Variants in ATXN7L1 observed in about 807,000 individuals in gnomAD.
ATXN7L1 encodes the protein ataxin-7-like protein 1.
In ATXN7L1, 15 loss-of-function variants were observed where a neutral mutation model predicts 70.8. That is an observed-to-expected ratio of 0.21 (90% CI 0.14 to 0.33). The LOEUF (loss-of-function observed/expected upper bound fraction) is 0.33. Ranked by LOEUF, ATXN7L1 falls within the 10% of genes least tolerant of loss-of-function variation. ATXN7L1 has a pLI of 1.00. For synonymous variants in ATXN7L1, 440 were observed against 445.1 expected, an observed-to-expected ratio of 0.99 and a Z score of 0.14; for missense variants, 975 against 1,097.1, an observed-to-expected ratio of 0.89 and a Z score of 1.57.
At chr7:105,730,456 G>C (rs1796403477) in intron 3 of ATXN7L1, among the ~76,000 whole-genome samples, 2 of 152,180 alleles carry the variant, frequency 1.3e-5, no homozygotes, top group South Asian at 4.1e-4. Context: ...CTAAGGGCCA[G>C]GCGTGGTGGC....
intron 3 of ATXN7L1, among the ~76,000 whole-genome samples, chr7:105,727,775 T>TATATATATAC (rs1554442569): frequency 1.7e-5 from 2 of 115,458 alleles, no homozygotes; most frequent in African/African-American, 7.2e-5. Flanking sequence ...TATATATATA[T>TATATATATAC]ATACACACAC....
At chr7:105,874,884 C>A (rs1469308056) in intron 2 of ATXN7L1, among the ~76,000 whole-genome samples, 1 of 152,148 alleles carries the variant, frequency 6.6e-6, no homozygotes, top group South Asian at 2.1e-4. Flanking sequence ...CACCTATGGC[C>A]TACTTATGTC....
chr7:105,625,641 A>G (rs888436570), intron 7 of ATXN7L1, among the ~76,000 whole-genome samples: 1 of 152,222 alleles, frequency 6.6e-6, no homozygotes, highest in African/African-American at 2.4e-5. Context: ...CAATGAACCA[A>G]TGAATGAATT....
At chr7:105,859,467 T>C (rs1365539381) in intron 2 of ATXN7L1, among the ~76,000 whole-genome samples, 1 of 152,120 alleles carries the variant, frequency 6.6e-6, no homozygotes, top group Non-Finnish European at 1.5e-5. Context: ...AACAGGCCCA[T>C]ACTCAGTGGT....
At chr7:105,690,564 G>A (rs187234494) in intron 3 of ATXN7L1, among the ~76,000 whole-genome samples, 7 of 152,246 alleles carry the variant, frequency 4.6e-5, no homozygotes, top group Admixed American at 3.3e-4. Flanking sequence ...GATGTTTGTC[G>A]TCTTCTCCTT....
intron 3 of ATXN7L1, among the ~76,000 whole-genome samples, chr7:105,739,039 A>G (rs1330271608): frequency 6.6e-6 from 1 of 152,172 alleles, no homozygotes; most frequent in Non-Finnish European, 1.5e-5. Flanking sequence ...GATACAGTGG[A>G]AAATCACTGC....
At chr7:105,826,866 A>C (rs1452385639) in intron 2 of ATXN7L1, among the ~76,000 whole-genome samples, 2 of 152,226 alleles carry the variant, frequency 1.3e-5, no homozygotes, top group Non-Finnish European at 2.9e-5. Context: ...AAAAATGATG[A>C]GAAAGATAGT....
At chr7:105,650,931 G>A (rs1283239070) in intron 4 of ATXN7L1, among the ~76,000 whole-genome samples, 1 of 152,232 alleles carries the variant, frequency 6.6e-6, no homozygotes, top group East Asian at 1.9e-4. Flanking sequence ...AGAATGTGGA[G>A]TGTTGGAAGA....
intron 3 of ATXN7L1, among the ~76,000 whole-genome samples, chr7:105,776,503 C>CA (rs5886370): frequency 5.5e-5 from 8 of 144,256 alleles, no homozygotes; most frequent in Admixed American, 4.2e-4. Flanking sequence ...ACCCCCCCCC[C>CA]AAAACAAACA....
chr7:105,796,478 G>T (rs557290358), intron 2 of ATXN7L1, among the ~76,000 whole-genome samples: 13 of 152,316 alleles, frequency 8.5e-5, no homozygotes, highest in Admixed American at 2.0e-4. Context: ...AGAGGACCAG[G>T]TGCTATTGAT....
chr7:105,829,062 T>C (rs1051180633), intron 2 of ATXN7L1, among the ~76,000 whole-genome samples: 1 of 152,148 alleles, frequency 6.6e-6, no homozygotes, highest in Non-Finnish European at 1.5e-5. Context: ...AATCTCCAAC[T>C]TGGAGAAGGC....
At chr7:105,710,865 T>A (rs1793820850) in intron 3 of ATXN7L1, among the ~76,000 whole-genome samples, 1 of 152,126 alleles carries the variant, frequency 6.6e-6, no homozygotes, top group Admixed American at 6.5e-5. Flanking sequence ...CTGGGCAATT[T>A]ACAAAAGAAA....
intron 3 of ATXN7L1, among the ~76,000 whole-genome samples, chr7:105,748,990 T>C (rs1256313877): frequency 6.6e-6 from 1 of 152,154 alleles, no homozygotes; most frequent in East Asian, 1.9e-4. Flanking sequence ...TTGGGCACCA[T>C]TCTAAATTAT....
Position 105,607,054 on chromosome 7 carries a change from C to T in ATXN7L1, c.*798G>A. 6.6e-6 allele frequency: 1 copy of T among 152,524 alleles called. No individual in the cohort carries two copies. Among genetic ancestry groups the T allele is most frequent in the Non-Finnish European group, 1.5e-5 (1 of 68,282 alleles). 9.4% of individuals were successfully genotyped at this position (152,524 alleles called of 1,614,324 possible). On this transcript the variant is annotated 3_prime_UTR_variant, in exon 12 of 12. Transcript: ENST00000419735. ...GACCAGCTCAGACCACCACAGTCTC[C>T]AGTTTTTTTAGGGATCATCTCCTAC...
At chr7:105,872,159 A>C (rs1818369074) in intron 2 of ATXN7L1, among the ~76,000 whole-genome samples, 3 of 151,782 alleles carry the variant, frequency 2.0e-5, no homozygotes, top group Non-Finnish European at 2.9e-5. Context: ...CGCCCGGCTA[A>C]TTTTTTGTAT....
chr7:105,637,476 C>T (rs1562933266), intron 7 of ATXN7L1, among the ~76,000 whole-genome samples: 1 of 152,076 alleles, frequency 6.6e-6, no homozygotes, highest in Non-Finnish European at 1.5e-5. Flanking sequence ...GATACTTGTA[C>T]CTCATTCTTT....
At chr7:105,770,179 T>C (rs1312093007) in intron 3 of ATXN7L1, among the ~76,000 whole-genome samples, 1 of 152,234 alleles carries the variant, frequency 6.6e-6, no homozygotes, top group Non-Finnish European at 1.5e-5. Flanking sequence ...AAAGCCTGCC[T>C]GAGACAATTC....
chr7:105,623,164 C>T (rs1446359598), intron 8 of ATXN7L1, among the ~76,000 whole-genome samples: 1 of 152,194 alleles, frequency 6.6e-6, no homozygotes, highest in Non-Finnish European at 1.5e-5. Context: ...AGGAAGTGAA[C>T]TTGGCCTTCG....
intron 3 of ATXN7L1, among the ~76,000 whole-genome samples, chr7:105,706,339 G>C (rs912908050): frequency 6.6e-6 from 1 of 152,038 alleles, no homozygotes; most frequent in South Asian, 2.1e-4. Context: ...GATTACAGGC[G>C]TGCATCACCA....
Sources: allele counts gnomAD v4.1 joint callset (sites outside exome capture counted in the v4.1 genomes callset), GRCh38; gene constraint gnomAD v4.1.1; transcripts MANE v1.5; gene names NCBI Gene and HGNC (gene_info 2026-07-23, HGNC 2026-07-21).